Variants in GHR observed in about 807,000 individuals in gnomAD.
The protein encoded by GHR is growth hormone receptor.
In GHR, 35 loss-of-function variants were observed where a neutral mutation model predicts 67.1. That is an observed-to-expected ratio of 0.52 (90% CI 0.40 to 0.69). GHR has a LOEUF of 0.69. GHR is among the 30% of genes least tolerant of loss of function. GHR has a pLI of 0.00. For missense variants in GHR, 792 were observed against 764.6 expected, an observed-to-expected ratio of 1.04 and a Z score of -0.42; for synonymous variants, 272 against 269.1, an observed-to-expected ratio of 1.01 and a Z score of -0.10.
At chr5:42,506,870 A>G (rs1746801000) in intron 1 of GHR, among the ~76,000 whole-genome samples, 1 of 152,230 alleles carries the variant, frequency 6.6e-6, no homozygotes, top group Non-Finnish European at 1.5e-5. Context: ...GGATGTGGTC[A>G]TAAACAGTTG....
intron 1 of GHR, among the ~76,000 whole-genome samples, chr5:42,536,551 T>C (rs1159081963): frequency 6.6e-6 from 1 of 152,188 alleles, no homozygotes; most frequent in Non-Finnish European, 1.5e-5. Context: ...TGATATGTTG[T>C]CAGATTCAGT....
chr5:42,474,128 G>A (rs1745133582), intron 1 of GHR, among the ~76,000 whole-genome samples: 1 of 151,590 alleles, frequency 6.6e-6, no homozygotes, highest in African/African-American at 2.4e-5. Flanking sequence ...GGCAGAGGTA[G>A]TAGTGAGCCA....
intron 2 of GHR, among the ~76,000 whole-genome samples, chr5:42,585,132 A>G (rs992691374): frequency 1.3e-5 from 2 of 152,222 alleles, no homozygotes; most frequent in African/African-American, 4.8e-5. Flanking sequence ...GCAATAGTTT[A>G]AGCCCCTGAA....
At chr5:42,598,113 T>C (rs571108603) in intron 2 of GHR, among the ~76,000 whole-genome samples, 1 of 151,870 alleles carries the variant, frequency 6.6e-6, no homozygotes, top group Non-Finnish European at 1.5e-5. Context: ...AGGGGAAAGA[T>C]GAGAGAGGGG....
chr5:42,695,484 T>C (rs1757631530), intron 5 of GHR, among the ~76,000 whole-genome samples: 1 of 152,234 alleles, frequency 6.6e-6, no homozygotes, highest in Non-Finnish European at 1.5e-5. Flanking sequence ...CGTTGGCCTT[T>C]GACCTCTACC....
chr5:42,509,445 A>G (rs1381148348), intron 1 of GHR, among the ~76,000 whole-genome samples: 3 of 152,164 alleles, frequency 2.0e-5, no homozygotes, highest in South Asian at 2.1e-4. Context: ...TTTCACTGCA[A>G]AAAGCCCAGA....
intron 3 of GHR, among the ~76,000 whole-genome samples, chr5:42,655,795 T>C (rs758260807): frequency 2.6e-5 from 4 of 152,106 alleles, no homozygotes; most frequent in Non-Finnish European, 5.9e-5. Context: ...AGGTTCATTC[T>C]TAACAGCAGT....
intron 3 of GHR, among the ~76,000 whole-genome samples, chr5:42,635,173 CAG>C (rs1228568576): frequency 6.6e-6 from 1 of 152,114 alleles, no homozygotes; most frequent in Non-Finnish European, 1.5e-5. Flanking sequence ...TTTAAGGAAA[CAG>C]TGTTTATGTT....
intron 1 of GHR, among the ~76,000 whole-genome samples, chr5:42,437,773 C>A (rs537450834): frequency 2.8e-4 from 42 of 151,418 alleles, no homozygotes; most frequent in Non-Finnish European, 5.4e-4. Context: ...CCAGGCTGAT[C>A]TTGAACTCCT....
intron 1 of GHR, among the ~76,000 whole-genome samples, chr5:42,477,724 G>A (rs1745405213): frequency 1.3e-5 from 2 of 152,080 alleles, no homozygotes; most frequent in Admixed American, 1.3e-4. Context: ...ACTTTTTGAT[G>A]GGGTTGTTTG....
chr5:42,451,451 C>A (rs1005186158), intron 1 of GHR, among the ~76,000 whole-genome samples: 2 of 151,370 alleles, frequency 1.3e-5, no homozygotes, highest in Non-Finnish European at 2.9e-5. Context: ...ATAAGAATAG[C>A]TACTCCTAGA....
intron 1 of GHR, among the ~76,000 whole-genome samples, chr5:42,443,958 GATAGATATAGAT>G (rs71608646): frequency 2.4e-4 from 35 of 148,178 alleles, no homozygotes; most frequent in African/African-American, 6.6e-4. Flanking sequence ...TATAGATATA[GATAGATATAGAT>G]ATAGATATAG....
chr5:42,693,622 A>T (rs1200908464), intron 4 of GHR, among the ~76,000 whole-genome samples: 2 of 152,112 alleles, frequency 1.3e-5, no homozygotes, highest in Non-Finnish European at 2.9e-5. Flanking sequence ...CAGCTATAAG[A>T]AGGAAATAGG....
intron 1 of GHR, among the ~76,000 whole-genome samples, chr5:42,443,674 G>A (rs960152587): frequency 7.2e-5 from 11 of 152,034 alleles, no homozygotes; most frequent in Non-Finnish European, 1.0e-4. Flanking sequence ...ATGGAGACTC[G>A]CAAGTTCAAA....
At chr5:42,623,359 A>G (rs919653175) in intron 2 of GHR, among the ~76,000 whole-genome samples, 4 of 152,124 alleles carry the variant, frequency 2.6e-5, no homozygotes, top group Non-Finnish European at 5.9e-5. Flanking sequence ...TAGCAAATTA[A>G]TGGTTCCCCA....
At chr5:42,711,476 T>A in intron 7 of GHR, 104 bp downstream of exon 7, 1 of 795,822 alleles carries the variant, frequency 1.3e-6, no homozygotes, top group Non-Finnish European at 2.2e-6. Flanking sequence ...CAAAATATAT[T>A]AACATCAGAT....
At position 42,568,224 on chromosome 5, in the gene GHR, G is replaced by GA. The variant is rs539910961; in HGVS notation, c.70+2281dup. On this transcript the variant is annotated intron_variant, in intron 2 of 9. Coordinates refer to ENST00000230882, the MANE Select transcript of GHR (RefSeq NM_000163.5). Reference sequence around the variant, plus strand: ...ATTAGAAATATACTGGCCCTGAAAGGATTTTTTTTTATTAAATCTAATTGC... The same window carrying GA: ...ATTAGAAATATACTGGCCCTGAAAGGAATTTTTTTTTATTAAATCTAATTGC... 2.2e-3 allele frequency among the ~76,000 whole-genome samples: 342 copies of GA among 152,218 alleles called. 1 individual carries two copies. Among genetic ancestry groups the GA allele is most frequent in the Non-Finnish European group, 3.8e-3 (258 of 68,016 alleles).
intron 1 of GHR, among the ~76,000 whole-genome samples, chr5:42,456,170 G>T (rs181850836): frequency 6.6e-6 from 1 of 152,172 alleles, no homozygotes; most frequent in Admixed American, 6.5e-5. Flanking sequence ...AATTAGCTGG[G>T]TGTGGTGGTA....
chr5:42,621,399 G>A (rs1388576746), intron 2 of GHR, among the ~76,000 whole-genome samples: 2 of 152,130 alleles, frequency 1.3e-5, no homozygotes, highest in Admixed American at 1.3e-4. Context: ...GTATCTGTCT[G>A]TAATTGCAAG....
Sources: allele counts gnomAD v4.1 joint callset (sites outside exome capture counted in the v4.1 genomes callset), GRCh38; gene constraint gnomAD v4.1.1; transcripts MANE v1.5; gene names NCBI Gene and HGNC (gene_info 2026-07-23, HGNC 2026-07-21).